The following EHBP1 variants were observed in gnomAD, a reference collection of about 807,000 sequenced individuals.
EHBP1 encodes the protein EH domain binding protein 1, also known as EH domain-binding protein 1.
A neutral mutation model predicts 144.0 loss-of-function variants in EHBP1; 55 were observed. The ratio of observed to expected loss-of-function variants is 0.38; its 90% CI spans 0.31 to 0.48. The LOEUF (loss-of-function observed/expected upper bound fraction) is 0.48. Ranked by LOEUF, EHBP1 falls within the 20% of genes least tolerant of loss-of-function variation. EHBP1 has a pLI of 0.98. For missense variants in EHBP1, 1,200 were observed against 1,364.2 expected, an observed-to-expected ratio of 0.88 and a Z score of 1.90; for synonymous variants, 469 against 472.7, an observed-to-expected ratio of 0.99 and a Z score of 0.10.
chr2:62,688,386 G>A (rs1229041885), intron 1 of EHBP1, among the ~76,000 whole-genome samples: 2 of 151,952 alleles, frequency 1.3e-5, no homozygotes, highest in East Asian at 3.9e-4. Flanking sequence ...ACATCTTTAT[G>A]GGGTACATAG....
rs1346207446 is a variant in EHBP1 at position 62,867,991 on chromosome 2, T to G, written c.998+3020T>G. On this transcript the variant is annotated intron_variant, in intron 9 of 22. Coordinates refer to ENST00000431489, the MANE Select transcript of EHBP1 (RefSeq NM_001142616.3). ...GAACAATTAAATGTCCATATGCCCC[T>G]CCTCAACAAAAAAAAAGCTACAATT... 2.6e-5 allele frequency among the ~76,000 whole-genome samples: 4 copies of G among 151,866 alleles called. No individual in the cohort carries two copies. The East Asian group carries it at 7.7e-4, about 29-fold the overall frequency.
intron 19 of EHBP1, among the ~76,000 whole-genome samples, chr2:63,026,405 C>T (rs2060986230): frequency 6.6e-6 from 1 of 150,570 alleles, no homozygotes; most frequent in Admixed American, 6.6e-5. Flanking sequence ...ATATTACTTA[C>T]ATAGCATTTA....
intron 2 of EHBP1, among the ~76,000 whole-genome samples, chr2:62,737,381 G>C: frequency 6.6e-6 from 1 of 152,218 alleles, no homozygotes; most frequent in South Asian, 2.1e-4. Context: ...GGGTCCCCCT[G>C]GAGTTTTTAT....
chr2:62,966,483 G>T (rs187492596), intron 14 of EHBP1, among the ~76,000 whole-genome samples: 10 of 152,080 alleles, frequency 6.6e-5, no homozygotes, highest in Non-Finnish European at 1.0e-4. Context: ...ACCTTTTCCC[G>T]AGTGCTTTAA....
intron 1 of EHBP1, among the ~76,000 whole-genome samples, chr2:62,685,681 T>A (rs1391569556): frequency 6.6e-6 from 1 of 152,178 alleles, no homozygotes; most frequent in East Asian, 1.9e-4. Flanking sequence ...TCAACCCACA[T>A]CAGTCCATAA....
intron 10 of EHBP1, among the ~76,000 whole-genome samples, chr2:62,908,399 C>G (rs548875885): frequency 5.3e-4 from 81 of 152,190 alleles, no homozygotes; most frequent in Non-Finnish European, 1.0e-3. Flanking sequence ...CTTTCAAGAC[C>G]TAGCTGTTCG....
chr2:62,737,677 A>G (rs1573043279), intron 2 of EHBP1, among the ~76,000 whole-genome samples: 1 of 151,810 alleles, frequency 6.6e-6, no homozygotes, highest in Non-Finnish European at 1.5e-5. Context: ...CTGCCAGACT[A>G]TTTTTCGTAG....
At chr2:63,011,142 C>CA (rs58109395) in intron 19 of EHBP1, among the ~76,000 whole-genome samples, 1,277 of 42,636 alleles carry the variant, frequency 0.03, 14 homozygotes, top group African/African-American at 0.048. Flanking sequence ...CCTCACTTGT[C>CA]AAAAAAAAAA....
At chr2:62,936,650 G>T (rs983284232) in intron 10 of EHBP1, among the ~76,000 whole-genome samples, 7 of 151,792 alleles carry the variant, frequency 4.6e-5, no homozygotes, top group Admixed American at 6.6e-5. Flanking sequence ...TCTTGGCTTG[G>T]AGAAAGTTGG....
intron 10 of EHBP1, among the ~76,000 whole-genome samples, chr2:62,933,033 TGAG>T (rs1466320632): frequency 6.6e-6 from 1 of 151,868 alleles, no homozygotes; most frequent in Non-Finnish European, 1.5e-5. Context: ...AAAAAGTTAT[TGAG>T]GAGCCCAAAT....
chr2:62,931,605 C>T (rs970503255), intron 10 of EHBP1, among the ~76,000 whole-genome samples: 14 of 152,140 alleles, frequency 9.2e-5, no homozygotes, highest in Admixed American at 3.9e-4. Flanking sequence ...CATAGTCAAC[C>T]GTCATCCAAA....
intron 2 of EHBP1, among the ~76,000 whole-genome samples, chr2:62,727,103 C>A (rs1204648348): frequency 1.3e-5 from 2 of 152,130 alleles, no homozygotes; most frequent in Non-Finnish European, 2.9e-5. Flanking sequence ...CCTTGTGATC[C>A]GCCCGCCTTG....
intron 1 of EHBP1, among the ~76,000 whole-genome samples, chr2:62,694,848 C>G (rs1229257801): frequency 6.6e-6 from 1 of 151,996 alleles, no homozygotes; most frequent in Non-Finnish European, 1.5e-5. Context: ...GCAATCAGTC[C>G]CAGAGGAAAG....
intron 11 of EHBP1, among the ~76,000 whole-genome samples, chr2:62,943,319 T>G (rs1231779762): frequency 7.6e-6 from 1 of 132,334 alleles, no homozygotes; most frequent in Non-Finnish European, 1.5e-5. Flanking sequence ...GAGGTTGCGA[T>G]GAGCCAAGAT....
At chr2:62,696,239 T>C (rs1004300000) in intron 1 of EHBP1, among the ~76,000 whole-genome samples, 1 of 150,372 alleles carries the variant, frequency 6.7e-6, no homozygotes, top group African/African-American at 2.4e-5. Flanking sequence ...GGCACGGTCT[T>C]GGCTCACTGC....
At chr2:63,044,871 C>A in intron 21 of EHBP1, 195 bp from the exon 22 acceptor site, 3 of 528,818 alleles carry the variant, frequency 5.7e-6, no homozygotes, top group Non-Finnish European at 1.0e-5. Flanking sequence ...ATTCACAGGA[C>A]CTGTTTAGGA....
chr2:62,958,385 C>T (rs2057828261), intron 14 of EHBP1, among the ~76,000 whole-genome samples: 1 of 152,050 alleles, frequency 6.6e-6, no homozygotes, highest in African/African-American at 2.4e-5. Context: ...CCCAGCAATA[C>T]AAAGGAACAG....
chr2:62,869,982 G>A (rs2050333810), intron 9 of EHBP1, among the ~76,000 whole-genome samples: 2 of 152,134 alleles, frequency 1.3e-5, no homozygotes, highest in African/African-American at 4.8e-5. Context: ...ATGATCACTT[G>A]TGAGACTATA....
intron 4 of EHBP1, among the ~76,000 whole-genome samples, chr2:62,768,339 C>T (rs2041362712): frequency 6.6e-6 from 1 of 152,116 alleles, no homozygotes; most frequent in African/African-American, 2.4e-5. Flanking sequence ...AGGCTGTTAC[C>T]ACTGACCTCA....
Sources: allele counts gnomAD v4.1 joint callset (sites outside exome capture counted in the v4.1 genomes callset), GRCh38; gene constraint gnomAD v4.1.1; transcripts MANE v1.5; gene names NCBI Gene and HGNC (gene_info 2026-07-23, HGNC 2026-07-21).